POFUT3: variants seen among roughly 807,000 people sequenced by gnomAD.
POFUT3 encodes protein O-fucosyltransferase 3.
chr8:33,386,726 CGTGAACCCG>C, the POFUT3 span, among the ~76,000 whole-genome samples: 1 of 152,082 alleles, frequency 6.6e-6, no homozygotes, highest in East Asian at 1.9e-4. Context: ...AGGAGAATGG[CGTGAACCCG>C]GGAGGTGGAG....
At chr8:33,453,253 G>C in the POFUT3 span, 1 of 1,614,224 alleles carries the variant, frequency 6.2e-7, no homozygotes, top group Non-Finnish European at 8.5e-7. Flanking sequence ...GATGATGGAG[G>C]TAGGTCCGGT....
the POFUT3 span, chr8:33,389,560 G>A: frequency 6.2e-7 from 1 of 1,614,172 alleles, no homozygotes; most frequent in Non-Finnish European, 8.5e-7. Flanking sequence ...TTCTAAGCTT[G>A]TTTTTGGACT....
chr8:33,461,548 ATC>A, the POFUT3 span: 1 of 1,588,924 alleles, frequency 6.3e-7, no homozygotes, highest in East Asian at 2.3e-5. Flanking sequence ...TGGAAGAACC[ATC>A]TGGGCGCCAA....
the POFUT3 span, among the ~76,000 whole-genome samples, chr8:33,364,753 T>G: frequency 2.0e-5 from 3 of 152,022 alleles, no homozygotes; most frequent in Non-Finnish European, 4.4e-5. Flanking sequence ...CACTGCTCAA[T>G]GAAATAAAAG....
At chr8:33,372,878 T>C in the POFUT3 span, 1 of 1,381,078 alleles carries the variant, frequency 7.2e-7, no homozygotes, top group Non-Finnish European at 1.0e-6. Flanking sequence ...GCAACAGACT[T>C]TCCTTAAAAC....
the POFUT3 span, among the ~76,000 whole-genome samples, chr8:33,386,879 T>C: frequency 3.3e-5 from 5 of 152,084 alleles, no homozygotes; most frequent in African/African-American, 4.8e-5. Context: ...CTCAATAGGG[T>C]TTTTGTGAGG....
chr8:33,447,517 C>A, the POFUT3 span, among the ~76,000 whole-genome samples: 1 of 152,090 alleles, frequency 6.6e-6, no homozygotes, highest in Non-Finnish European at 1.5e-5. Flanking sequence ...AAAAATAACT[C>A]CTTCAGTGGT....
the POFUT3 span, among the ~76,000 whole-genome samples, chr8:33,322,534 G>T: frequency 6.6e-6 from 1 of 152,034 alleles, no homozygotes; most frequent in African/African-American, 2.4e-5. Flanking sequence ...GAAGGGATGG[G>T]GTTGTCAGGC....
chr8:33,394,598 T>C, the POFUT3 span, among the ~76,000 whole-genome samples: 1 of 152,088 alleles, frequency 6.6e-6, no homozygotes, highest in Non-Finnish European at 1.5e-5. Context: ...CGTGGAATGA[T>C]TTCAAATATA....
the POFUT3 span, among the ~76,000 whole-genome samples, chr8:33,348,285 A>C: frequency 6.9e-6 from 1 of 144,962 alleles, no homozygotes; most frequent in African/African-American, 2.5e-5. Flanking sequence ...CCAGTGAAGG[A>C]AACTGAAGAA....
the POFUT3 span, among the ~76,000 whole-genome samples, chr8:33,467,008 G>A: frequency 6.6e-6 from 1 of 152,110 alleles, no homozygotes; most frequent in Admixed American, 6.5e-5. Flanking sequence ...GGGAGGCTGA[G>A]GCAGGAAGGA....
the POFUT3 span, among the ~76,000 whole-genome samples, chr8:33,410,724 A>G: frequency 6.6e-6 from 1 of 152,132 alleles, no homozygotes; most frequent in African/African-American, 2.4e-5. Flanking sequence ...ATCTTCCCAG[A>G]ATTATTTCCC....
At chr8:33,387,439 G>A in the POFUT3 span, among the ~76,000 whole-genome samples, 1 of 152,116 alleles carries the variant, frequency 6.6e-6, no homozygotes, top group Admixed American at 6.6e-5. Context: ...TTAGGTTTAT[G>A]TTTGACCTAA....
At chr8:33,310,945 T>A in the POFUT3 span, among the ~76,000 whole-genome samples, 3 of 152,342 alleles carry the variant, frequency 2.0e-5, no homozygotes, top group South Asian at 6.2e-4. Context: ...TTAGTTTAGT[T>A]CCTCAACAAT....
At chr8:33,387,911 T>C in the POFUT3 span, among the ~76,000 whole-genome samples, 2 of 152,238 alleles carry the variant, frequency 1.3e-5, no homozygotes, top group African/African-American at 2.4e-5. Context: ...GGCCACCTCA[T>C]TGTGTAAAAA....
At chr8:33,326,021 T>C in the POFUT3 span, among the ~76,000 whole-genome samples, 5 of 152,188 alleles carry the variant, frequency 3.3e-5, no homozygotes, top group African/African-American at 7.2e-5. Context: ...GCTATTTGCA[T>C]GGAGCTGCTG....
the POFUT3 span, among the ~76,000 whole-genome samples, chr8:33,313,725 G>A: frequency 6.6e-6 from 1 of 152,102 alleles, no homozygotes; most frequent in Admixed American, 6.6e-5. Context: ...TGAGAGCATA[G>A]ATTCAAATTA....
At chr8:33,387,335 A>T in the POFUT3 span, among the ~76,000 whole-genome samples, 1 of 152,214 alleles carries the variant, frequency 6.6e-6, no homozygotes, top group Non-Finnish European at 1.5e-5. Flanking sequence ...TAAAAAATAC[A>T]TTTCAAATAT....
the POFUT3 span, among the ~76,000 whole-genome samples, chr8:33,434,545 G>A: frequency 3.1e-4 from 47 of 152,254 alleles, no homozygotes; most frequent in African/African-American, 1.1e-3. Flanking sequence ...AGCTCTGTGG[G>A]TTCTTTAAAA....
Sources: allele counts gnomAD v4.1 joint callset (sites outside exome capture counted in the v4.1 genomes callset), GRCh38; gene constraint gnomAD v4.1.1; transcripts MANE v1.5; gene names NCBI Gene and HGNC (gene_info 2026-07-23, HGNC 2026-07-21).